ETS1: variants seen among roughly 807,000 people sequenced by gnomAD.
ETS1 encodes ETS proto-oncogene 1, transcription factor.
In ETS1, 15 loss-of-function variants were observed where a neutral mutation model predicts 58.6. The observed-to-expected ratio is 0.26, with a 90% confidence interval of 0.17 to 0.39. The LOEUF (loss-of-function observed/expected upper bound fraction) is 0.39. Among genes scored for constraint, ETS1 ranks in the 10% least tolerant of loss-of-function variants. The probability of loss-of-function intolerance (pLI) is 1.00; values close to 1 mark genes in which losing one functional copy is unlikely to be tolerated. For missense variants in ETS1, 417 were observed against 610.5 expected (o/e 0.68, Z 3.34); for synonymous variants, 214 against 218.2 (o/e 0.98, Z 0.17).
In ETS1 at chr11:128,489,344, C is replaced by A; in HGVS notation, c.481G>T (p.Ala161Ser). The change falls in exon 5 of 10, where the codon GCC (alanine) becomes TCC (serine). Residue 161 changes from alanine (A) to serine (S), a missense_variant. By Grantham distance (99) the Ala-to-Ser change is moderately conservative (BLOSUM62 1). Around this residue, in one of 4 missense-constraint regions of ETS1, gnomAD observed 132 missense variants for 212.1 expected, o/e 0.62. Coordinates refer to ENST00000392668, the MANE Select transcript of ETS1 (RefSeq NM_001143820.2). ...AAGATGTCCCCAACAAAGTCTGGGG[C>A]CAGCTCGAGAAAGCAGTCTTTACCC... is the stretch of plus-strand genomic sequence containing the variant. ...ALGKDCFLELAPDFVGDILWE... is the reference protein window; with the variant it reads ...ALGKDCFLELSPDFVGDILWE... 6.2e-7 allele frequency: 1 copy of A among 1,614,180 alleles called. No homozygotes were observed. The highest frequency in any genetic ancestry group is 8.5e-7 in the Non-Finnish European group (1 of 1,180,028).
At chr11:128,553,507 T>G (rs1240386795) in intron 3 of ETS1, among the ~76,000 whole-genome samples, 1 of 152,132 alleles carries the variant, frequency 6.6e-6, no homozygotes, top group Admixed American at 6.5e-5. Flanking sequence ...TCCACCTTTA[T>G]TTTCTGTCCA....
At chr11:128,507,897 A>G (rs1438568482) in intron 3 of ETS1, among the ~76,000 whole-genome samples, 2 of 152,232 alleles carry the variant, frequency 1.3e-5, no homozygotes, top group Admixed American at 6.5e-5. Flanking sequence ...CCTCCCAGAA[A>G]AGAAAAGACT....
At chr11:128,585,044 G>GA (rs1290641067) in intron 1 of ETS1, among the ~76,000 whole-genome samples, 6 of 18,310 alleles carry the variant, frequency 3.3e-4, no homozygotes, top group East Asian at 3.0e-3. Flanking sequence ...AAGAAAGAAA[G>GA]AAAGAAAGAA....
At chr11:128,580,155 A>G (rs1204445672) in intron 1 of ETS1, among the ~76,000 whole-genome samples, 1 of 145,612 alleles carries the variant, frequency 6.9e-6, no homozygotes, top group Non-Finnish European at 1.5e-5. Flanking sequence ...TATCCAAGAG[A>G]GTAAGTTATC....
intron 3 of ETS1, among the ~76,000 whole-genome samples, chr11:128,514,258 A>AT (rs1446149007): frequency 6.6e-6 from 1 of 152,144 alleles, no homozygotes; most frequent in African/African-American, 2.4e-5. Context: ...AAAAAAAAAA[A>AT]GTTACCTATC....
At chr11:128,573,946 C>T (rs1360074224) in intron 1 of ETS1, among the ~76,000 whole-genome samples, 3 of 152,154 alleles carry the variant, frequency 2.0e-5, no homozygotes, top group Non-Finnish European at 4.4e-5. Context: ...CAATCAGAGG[C>T]CAAATTCTTA....
At chr11:128,565,029 C>CAAATAAATAAATAAATAAGT (rs1864467584) in intron 2 of ETS1, among the ~76,000 whole-genome samples, 1 of 144,514 alleles carries the variant, frequency 6.9e-6, no homozygotes, top group African/African-American at 2.5e-5. Context: ...CACCAAATAT[C>CAAATAAATAAATAAATAAGT]AAATAAATAA....
At chr11:128,505,556 C>T (rs1863205541) in intron 3 of ETS1, among the ~76,000 whole-genome samples, 1 of 152,144 alleles carries the variant, frequency 6.6e-6, no homozygotes, top group Non-Finnish European at 1.5e-5. Context: ...ATTGTTCCTG[C>T]TGCTGCCCCA....
intron 3 of ETS1, among the ~76,000 whole-genome samples, chr11:128,507,608 GGT>G (rs1256876073): frequency 6.6e-6 from 1 of 152,216 alleles, no homozygotes; most frequent in African/African-American, 2.4e-5. Flanking sequence ...AGAGGTGCAT[GGT>G]TCCTGCAGAC....
intron 3 of ETS1, chr11:128,522,513 A>G (rs1863712881): frequency 3.6e-6 from 1 of 279,978 alleles, no homozygotes; most frequent in South Asian, 1.4e-4. Flanking sequence ...CCCGCGGCCC[A>G]AAGCGAAAGG....
At chr11:128,575,968 A>C (rs940092280) in intron 1 of ETS1, among the ~76,000 whole-genome samples, 1 of 151,944 alleles carries the variant, frequency 6.6e-6, no homozygotes, top group African/African-American at 2.4e-5. Flanking sequence ...TCATAGCAAC[A>C]CTCCTGGAAA....
chr11:128,509,629 T>G lies in ETS1; in HGVS notation c.215-19053A>C, dbSNP rs146486878. ...GGTAGATATGTATAAGTGAAATGAG[T>G]GCGTTCTTCCTGCCCCTATAATGAC... On this transcript the variant is annotated intron_variant, in intron 3 of 9. Coordinates refer to ENST00000392668, the MANE Select transcript of ETS1 (RefSeq NM_001143820.2). 2.7e-5 allele frequency among the ~76,000 whole-genome samples: 4 copies of G among 149,822 alleles called. No homozygotes were observed. The East Asian group carries it at 7.8e-4, about 29-fold the overall frequency.
In ETS1 at chr11:128,507,811, G is replaced by A. The variant is rs1002809479; in HGVS notation, c.215-17235C>T. Among the ~76,000 whole-genome samples the A allele has an allele frequency of 1.1e-4, 16 of 152,332 alleles. 1 individual carries two copies. In the East Asian group the frequency reaches 1.2e-3, roughly 11 times the overall value. ...CTAGCTCAGGAAATGACGCCTGGGA[G>A]AACAGGAGTTCTAATCCTGCCTGGC... On this transcript the variant is annotated intron_variant, in intron 3 of 9. Coordinates refer to ENST00000392668, the MANE Select transcript of ETS1 (RefSeq NM_001143820.2).
chr11:128,516,631 C>G (rs925130326), intron 3 of ETS1, among the ~76,000 whole-genome samples: 1 of 152,242 alleles, frequency 6.6e-6, no homozygotes, highest in East Asian at 1.9e-4. Flanking sequence ...GCTGGGACAG[C>G]TGGCAGGTCT....
intron 3 of ETS1, among the ~76,000 whole-genome samples, chr11:128,532,661 T>C (rs1863915324): frequency 1.3e-5 from 2 of 152,162 alleles, no homozygotes; most frequent in African/African-American, 4.8e-5. Flanking sequence ...GCTCTCCTTT[T>C]TTTTTTTCCC....
intron 1 of ETS1, among the ~76,000 whole-genome samples, chr11:128,578,868 A>G: frequency 6.6e-6 from 1 of 152,194 alleles, no homozygotes. Flanking sequence ...ACTTTTAAAG[A>G]GCCTCTTATT....
intron 8 of ETS1, among the ~76,000 whole-genome samples, chr11:128,473,298 A>C (rs1388590323): frequency 6.6e-6 from 1 of 152,218 alleles, no homozygotes; most frequent in Admixed American, 6.5e-5. Context: ...ACTTAGAATT[A>C]TACTGGAAAA....
At chr11:128,584,084 T>C (rs932835187) in intron 1 of ETS1, among the ~76,000 whole-genome samples, 6 of 152,230 alleles carry the variant, frequency 3.9e-5, no homozygotes, top group African/African-American at 1.4e-4. Flanking sequence ...GTGTTTGGTA[T>C]GGTCTCCAGC....
At chr11:128,573,035 A>T in intron 2 of ETS1, 27 bp downstream of exon 2, 1 of 1,580,190 alleles carries the variant, frequency 6.3e-7, no homozygotes, top group South Asian at 1.1e-5. Flanking sequence ...GTGTGGGCAA[A>T]GGGGCAGGGA....
Sources: allele counts gnomAD v4.1 joint callset (sites outside exome capture counted in the v4.1 genomes callset), GRCh38; gene constraint gnomAD v4.1.1; regional missense constraint gnomAD v4.1.1; transcripts MANE v1.5; gene names NCBI Gene and HGNC (gene_info 2026-07-23, HGNC 2026-07-21).